The following FBXW2 variants were observed in gnomAD, a reference collection of about 807,000 sequenced individuals.
The protein encoded by FBXW2 is F-box and WD repeat domain containing 2, also known as F-box/WD repeat-containing protein 2.
FBXW2 carries 12 observed loss-of-function variants against 46.0 expected under a neutral mutation model. That is an observed-to-expected ratio of 0.26 (90% CI 0.17 to 0.42). The LOEUF (loss-of-function observed/expected upper bound fraction) is 0.42, where lower values mean the gene tolerates loss of function less well. Ranked by LOEUF, FBXW2 falls within the 10% of genes least tolerant of loss-of-function variation. The pLI is 1.00. For synonymous variants in FBXW2, 203 were observed against 209.6 expected (o/e 0.97, Z 0.27); for missense variants, 360 against 537.0 (o/e 0.67, Z 3.26).
At chr9:120,770,115 G>C (rs1178650055) in intron 7 of FBXW2, among the ~76,000 whole-genome samples, 1 of 152,182 alleles carries the variant, frequency 6.6e-6, no homozygotes, top group Admixed American at 6.6e-5. Flanking sequence ...GGTGGCTCAC[G>C]CATGTAATCC....
chr9:120,766,908 G>C (rs944244683), intron 7 of FBXW2, among the ~76,000 whole-genome samples: 1 of 152,218 alleles, frequency 6.6e-6, no homozygotes, highest in African/African-American at 2.4e-5. Context: ...GCTGAGTGCT[G>C]GCTGGGCCCC....
intron 6 of FBXW2, 114 bp from the exon 7 acceptor site, chr9:120,771,631 AC>A: frequency 1.2e-6 from 1 of 868,608 alleles, no homozygotes; most frequent in Non-Finnish European, 1.7e-6. Flanking sequence ...TACTGGAAAG[AC>A]CCCAGGTTTT....
chr9:120,780,864 T>C (rs1166987676), intron 3 of FBXW2, among the ~76,000 whole-genome samples: 2 of 151,958 alleles, frequency 1.3e-5, no homozygotes, highest in Non-Finnish European at 2.9e-5. Context: ...CCATAGCAAA[T>C]ACAAGGAGAG....
At chr9:120,771,628 A>G (rs1401217557) in intron 6 of FBXW2, 111 bp from the exon 7 acceptor site, 1 of 894,726 alleles carries the variant, frequency 1.1e-6, no homozygotes, top group Non-Finnish European at 1.7e-6. Context: ...GTATACTGGA[A>G]AGACCCCAGG....
Position 120,764,771 on chromosome 9 carries a change from G to A in FBXW2, c.1153C>T (p.Arg385Cys), listed in dbSNP as rs1035691591. 40 of 1,613,516 alleles carry A rather than the reference G, an allele frequency of 2.5e-5. No homozygotes were observed. In the Admixed American group the frequency reaches 3.8e-4, roughly 15 times the overall value. Residue 385 changes from arginine to cysteine, a missense_variant, in exon 8 of 8, where the codon CGC becomes TGC. Transcript: ENST00000608872. ...CGCAAGTCCATGATGTACAGGTAGCGGTTGTCAAACAGCAGGGCAAAGATA... is the reference window on the plus strand; with the variant it reads ...CGCAAGTCCATGATGTACAGGTAGCAGTTGTCAAACAGCAGGGCAAAGATA... The part of the protein sequence containing the change: ...GDIFALLFDN[R>C]YLYIMDLRTE...
At position 120,764,471 on chromosome 9, in the gene FBXW2, T is replaced by C; in HGVS notation, c.*88A>G. ...TGATGATACCATTAGGTGAGAACTT[T>C]GGTTCATGCAGTCGGCTGCCGCAGA... On this transcript the variant is annotated 3_prime_UTR_variant, in exon 8 of 8. Transcript: ENST00000608872. 1 of 1,418,186 alleles carries C rather than the reference T, an allele frequency of 7.1e-7. No homozygotes were observed. Among genetic ancestry groups the C allele is most frequent in the Non-Finnish European group, 9.7e-7 (1 of 1,030,870 alleles). 87.9% of individuals were successfully genotyped at this position (1,418,186 alleles called of 1,614,324 possible).
In FBXW2 at chr9:120,760,655, C is replaced by CA. The variant is rs1006462831; in HGVS notation, c.*3903dup. 6.3e-4 allele frequency: 96 copies of CA among 151,556 alleles called. No individual in the cohort carries two copies. Among genetic ancestry groups the CA allele is most frequent in the African/African-American group, 1.6e-3 (66 of 41,296 alleles). The allele number at this position is 151,556 out of a possible 1,614,324, so 9.4% of individuals were successfully genotyped here. A position where few individuals can be genotyped will look rare whatever the true frequency, so the allele number is the denominator to read the frequency against. On this transcript the variant is annotated 3_prime_UTR_variant, in exon 8 of 8. Transcript: ENST00000608872. Reference sequence around the variant, plus strand: ...AACATACAAAAAAAACAAAACAAAACAAAAAAAACAGTGATGTTGGTAGGA... The same window carrying CA: ...AACATACAAAAAAAACAAAACAAAACAAAAAAAAACAGTGATGTTGGTAGGA...
intron 7 of FBXW2, among the ~76,000 whole-genome samples, chr9:120,766,582 A>G (rs925550640): frequency 2.6e-5 from 4 of 152,088 alleles, no homozygotes; most frequent in African/African-American, 9.7e-5. Flanking sequence ...CTCGTGCCTC[A>G]GCCTCCCGAG....
chr9:120,776,287 A>C, intron 4 of FBXW2, 61 bp from the exon 5 acceptor site: 1 of 1,537,506 alleles, frequency 6.5e-7, no homozygotes, highest in Non-Finnish European at 8.8e-7. Flanking sequence ...TTTATAATAG[A>C]GTTCAATAAT....
At chr9:120,774,659 C>T (rs563841569) in intron 5 of FBXW2, among the ~76,000 whole-genome samples, 1 of 152,348 alleles carries the variant, frequency 6.6e-6, no homozygotes, top group East Asian at 1.9e-4. Flanking sequence ...GCTTAGATTA[C>T]TGCCAAAGCC....
chr9:120,791,687 T>C (rs998913865), intron 2 of FBXW2, among the ~76,000 whole-genome samples: 1 of 152,176 alleles, frequency 6.6e-6, no homozygotes, highest in African/African-American at 2.4e-5. Context: ...AAGTTTCTCT[T>C]CAAAATACCT....
Position 120,778,449 on chromosome 9 carries a change from T to G in FBXW2, c.587A>C (p.Glu196Ala). 1 of 1,614,096 alleles carries G rather than the reference T, an allele frequency of 6.2e-7. No individual in the cohort carries two copies. Residue 196 changes from glutamate to alanine, a missense_variant, in exon 4 of 8, where the codon GAA becomes GCA. Glu to Ala is a moderately radical substitution (Grantham distance 107). Transcript: ENST00000608872. Reference sequence around the variant, plus strand: ...AAAGGAGCCTGTCACAAGCTTCTGTTCATCAAACTTCACCGCTGCACAAGT... The same window carrying G: ...AAAGGAGCCTGTCACAAGCTTCTGTGCATCAAACTTCACCGCTGCACAAGT... ...THTCAAVKFD[E>A]QKLVTGSFDN...
At chr9:120,781,223 CCA>C (rs898813183) in intron 3 of FBXW2, among the ~76,000 whole-genome samples, 3 of 152,124 alleles carry the variant, frequency 2.0e-5, no homozygotes, top group Admixed American at 6.5e-5. Flanking sequence ...GGCCCACAGT[CCA>C]CAGTTTGCCA....
chr9:120,789,859 C>T (rs1050641408), intron 2 of FBXW2, among the ~76,000 whole-genome samples: 1 of 152,194 alleles, frequency 6.6e-6, no homozygotes, highest in Admixed American at 6.5e-5. Context: ...ACATCATCTG[C>T]TAACAGTTTT....
chr9:120,786,969 ACTT>A (rs762014697), intron 3 of FBXW2, among the ~76,000 whole-genome samples: 3 of 152,226 alleles, frequency 2.0e-5, no homozygotes, highest in South Asian at 4.1e-4. Context: ...TCCAACTTCT[ACTT>A]CTTCTACTTA....
At chr9:120,789,277 A>G (rs1163759645) in intron 2 of FBXW2, among the ~76,000 whole-genome samples, 2 of 152,194 alleles carry the variant, frequency 1.3e-5, no homozygotes, top group African/African-American at 4.8e-5. Flanking sequence ...AACCACGACC[A>G]AGTGGTAAGA....
At chr9:120,779,237 G>A (rs1242488022) in intron 3 of FBXW2, among the ~76,000 whole-genome samples, 2 of 152,156 alleles carry the variant, frequency 1.3e-5, no homozygotes, top group East Asian at 3.8e-4. Flanking sequence ...ACTAATCATG[G>A]TGACAATTCA....
chr9:120,780,091 T>G (rs1036305631), intron 3 of FBXW2, among the ~76,000 whole-genome samples: 1 of 145,496 alleles, frequency 6.9e-6, no homozygotes, highest in African/African-American at 2.6e-5. Context: ...TGAGCTGAGA[T>G]CACGCCACTG....
chr9:120,764,284 G>A lies in FBXW2; in HGVS notation c.*275C>T. 1 of 419,004 alleles carries A rather than the reference G, an allele frequency of 2.4e-6. No individual in the cohort carries two copies. The highest frequency in any genetic ancestry group is 4.2e-6 in the Non-Finnish European group (1 of 237,114). 26.0% of individuals were successfully genotyped at this position (419,004 alleles called of 1,614,324 possible). A position where few individuals can be genotyped will look rare whatever the true frequency, so the allele number is the denominator to read the frequency against. ...AACCAATACTCCACTCAAGAAAGAT[G>A]AACCCAAAATGCATCCTCTAACACT... On this transcript the variant is annotated 3_prime_UTR_variant, in exon 8 of 8. Coordinates refer to ENST00000608872, the MANE Select transcript of FBXW2 (RefSeq NM_012164.4).
Sources: allele counts gnomAD v4.1 joint callset (sites outside exome capture counted in the v4.1 genomes callset), GRCh38; gene constraint gnomAD v4.1.1; transcripts MANE v1.5; gene names NCBI Gene and HGNC (gene_info 2026-07-23, HGNC 2026-07-21).